GRM5: variants seen among roughly 807,000 people sequenced by gnomAD.
GRM5 encodes metabotropic glutamate receptor 5.
Under a neutral mutation model 83.1 loss-of-function variants are expected in GRM5, and 19 were observed. The observed-to-expected ratio is 0.23, with a 90% CI of 0.16 to 0.34. The LOEUF (loss-of-function observed/expected upper bound fraction) is 0.34. Ranked by LOEUF, GRM5 falls within the 10% of genes least tolerant of loss-of-function variation. The pLI is 1.00. For missense variants in GRM5, 1,160 were observed against 1,588.3 expected (o/e 0.73, Z 4.58); for synonymous variants, 675 against 633.6 (o/e 1.07, Z -0.98).
At chr11:88,865,339 G>A (rs1164413056) in intron 2 of GRM5, among the ~76,000 whole-genome samples, 1 of 152,104 alleles carries the variant, frequency 6.6e-6, no homozygotes, top group African/African-American at 2.4e-5. Flanking sequence ...AATGGTGTTG[G>A]GAAAACTGGC....
At chr11:88,972,569 C>G (rs1301479819) in intron 2 of GRM5, among the ~76,000 whole-genome samples, 1 of 152,050 alleles carries the variant, frequency 6.6e-6, no homozygotes, top group East Asian at 1.9e-4. Context: ...GAAGGGAATT[C>G]TTCCAGGCCA....
chr11:88,993,009 G>T (rs776496719), intron 2 of GRM5, among the ~76,000 whole-genome samples: 7 of 149,170 alleles, frequency 4.7e-5, no homozygotes, highest in Non-Finnish European at 1.0e-4. Context: ...AGAACTTAAA[G>T]TATAATAAAT....
At chr11:88,519,892 A>G (rs1028653199) in intron 9 of GRM5, among the ~76,000 whole-genome samples, 7 of 152,112 alleles carry the variant, frequency 4.6e-5, no homozygotes, top group African/African-American at 1.7e-4. Context: ...AATTCCATTT[A>G]TTTTTCACAG....
intron 3 of GRM5, among the ~76,000 whole-genome samples, chr11:88,781,133 A>G (rs200851658): frequency 0.082 from 1,541 of 18,824 alleles, 28 homozygotes; most frequent in African/African-American, 0.17. Flanking sequence ...ATATGTATAT[A>G]TATATATATA....
At chr11:89,051,210 T>G (rs1406291502) in intron 1 of GRM5, among the ~76,000 whole-genome samples, 2 of 151,376 alleles carry the variant, frequency 1.3e-5, no homozygotes, top group African/African-American at 4.9e-5. Flanking sequence ...GAGTGGAGAT[T>G]GCGCCACTGC....
chr11:89,049,748 G>A (rs1026337475), intron 1 of GRM5, among the ~76,000 whole-genome samples: 1 of 152,040 alleles, frequency 6.6e-6, no homozygotes, highest in African/African-American at 2.4e-5. Flanking sequence ...AGACATTTGG[G>A]AATATATAGA....
intron 3 of GRM5, among the ~76,000 whole-genome samples, chr11:88,686,026 C>G (rs1313166188): frequency 1.3e-5 from 2 of 152,044 alleles, no homozygotes; most frequent in Admixed American, 6.5e-5. Flanking sequence ...CCTCCAGACC[C>G]CAGAATGGTA....
intron 3 of GRM5, among the ~76,000 whole-genome samples, chr11:88,724,590 A>T (rs1293416413): frequency 6.6e-6 from 1 of 152,102 alleles, no homozygotes; most frequent in Non-Finnish European, 1.5e-5. Context: ...GCATGAATGG[A>T]TGGATAATAA....
intron 4 of GRM5, among the ~76,000 whole-genome samples, chr11:88,619,046 C>T (rs1938563474): frequency 2.0e-5 from 3 of 152,134 alleles, no homozygotes; most frequent in African/African-American, 7.2e-5. Flanking sequence ...ACATTCACTC[C>T]TAATTTTCAT....
chr11:88,523,922 G>A (rs1393290738), intron 9 of GRM5: 1 of 152,146 alleles, frequency 6.6e-6, no homozygotes, highest in Non-Finnish European at 1.5e-5. Context: ...ATGCAATTAG[G>A]TCTCAAGCTC....
chr11:88,525,353 G>T lies in GRM5; in HGVS notation c.2682C>A (p.Thr894=), dbSNP rs180919133. ...AQHKSEIECF[T]PKGSMGNGGR... is the part of the protein sequence containing the mutation. Reference sequence around the variant, plus strand: ...CACCATTCCCCATACTCCCTTTGGGGGTGAAACACTCTATTTCCGACTTGT... The same window carrying T: ...CACCATTCCCCATACTCCCTTTGGGTGTGAAACACTCTATTTCCGACTTGT... Residue 894 remains threonine (T), a synonymous_variant, in exon 9 of 10, where the codon ACC becomes ACA. Transcript: ENST00000305447. 1.2e-6 allele frequency: 2 copies of T among 1,612,308 alleles called. No homozygotes were observed. Among genetic ancestry groups the T allele is most frequent in the East Asian group, 4.5e-5 (2 of 44,856 alleles).
At chr11:88,630,885 A>G (rs1263542973) in intron 4 of GRM5, among the ~76,000 whole-genome samples, 1 of 152,092 alleles carries the variant, frequency 6.6e-6, no homozygotes, top group Non-Finnish European at 1.5e-5. Context: ...GCCATTTATT[A>G]TATTTTATAA....
chr11:88,954,335 C>T (rs1471178699), intron 2 of GRM5, among the ~76,000 whole-genome samples: 2 of 147,118 alleles, frequency 1.4e-5, no homozygotes, highest in Non-Finnish European at 3.0e-5. Flanking sequence ...ACAGAGATAC[C>T]TGACATTTTG....
At chr11:89,055,556 C>A (rs1313102524) in intron 1 of GRM5, among the ~76,000 whole-genome samples, 14 of 151,988 alleles carry the variant, frequency 9.2e-5, no homozygotes, top group Non-Finnish European at 1.5e-5. Flanking sequence ...CCATGGAAAG[C>A]AAATGATTCA....
chr11:88,624,401 G>C (rs1938728889), intron 4 of GRM5, among the ~76,000 whole-genome samples: 1 of 152,118 alleles, frequency 6.6e-6, no homozygotes, highest in Non-Finnish European at 1.5e-5. Context: ...ATTAAATATT[G>C]CCTGAGAGGA....
rs1938094352 is a variant in GRM5 at position 88,604,762 on chromosome 11, A to G, written c.1350T>C (p.Ser450=). 6.2e-7 allele frequency: 1 copy of G among 1,611,976 alleles called. No individual in the cohort carries two copies. Among genetic ancestry groups the G allele is most frequent in the South Asian group, 1.1e-5 (1 of 91,046 alleles). ...SLMKTNFTGV[S]GDTILFDENG... ...TCTCATCGAATAGGATCGTATCTCC[A>G]GAAACCCCAGTAAAATTGGTTTTCA... The change falls in exon 5 of 10, where the codon TCT becomes TCC. Residue 450 remains serine, a synonymous_variant. Coordinates refer to ENST00000305447, the MANE Select transcript of GRM5 (RefSeq NM_001143831.3).
intron 1 of GRM5, among the ~76,000 whole-genome samples, chr11:89,064,753 G>T (rs1942060778): frequency 6.6e-6 from 1 of 151,326 alleles, no homozygotes. Flanking sequence ...TGAACGCAGT[G>T]ATGCCAAACC....
At chr11:88,981,168 T>C (rs1939508419) in intron 2 of GRM5, among the ~76,000 whole-genome samples, 1 of 152,212 alleles carries the variant, frequency 6.6e-6, no homozygotes. Context: ...TTCATTTGGC[T>C]TCATCAATAT....
At chr11:88,689,562 TTTTC>T (rs1940728092) in intron 3 of GRM5, among the ~76,000 whole-genome samples, 1 of 152,236 alleles carries the variant, frequency 6.6e-6, no homozygotes, top group East Asian at 1.9e-4. Flanking sequence ...AACTGGCTAA[TTTTC>T]TTAATTTGTC....
Sources: allele counts gnomAD v4.1 joint callset (sites outside exome capture counted in the v4.1 genomes callset), GRCh38; gene constraint gnomAD v4.1.1; transcripts MANE v1.5; gene names NCBI Gene and HGNC (gene_info 2026-07-23, HGNC 2026-07-21).